PLXNA4: variants seen among roughly 807,000 people sequenced by gnomAD.
The protein encoded by PLXNA4 is plexin A4, also known as plexin-A4.
A neutral mutation model predicts 191.8 loss-of-function variants in PLXNA4; 44 were observed. That is an observed-to-expected ratio of 0.23 (90% CI 0.18 to 0.29). PLXNA4 has a LOEUF of 0.29. Ranked by LOEUF, PLXNA4 falls within the 10% of genes least tolerant of loss-of-function variation. The pLI is 1.00. For missense variants in PLXNA4, 1,800 were observed against 2,488.8 expected (o/e 0.72, Z 5.89); for synonymous variants, 1,082 against 1,009.5 (o/e 1.07, Z -1.36).
intron 14 of PLXNA4, among the ~76,000 whole-genome samples, chr7:132,193,604 A>G (rs1036923653): frequency 4.6e-5 from 7 of 152,224 alleles, no homozygotes; most frequent in Admixed American, 4.6e-4. Flanking sequence ...GTAATTTTCC[A>G]CAAGATCATG....
intron 4 of PLXNA4, among the ~76,000 whole-genome samples, chr7:132,259,436 CAAAAAAAA>C (rs55902635): frequency 2.5e-3 from 84 of 33,856 alleles, no homozygotes; most frequent in African/African-American, 8.4e-3. Context: ...AACTCCAACT[CAAAAAAAA>C]AAAAAAAAAA....
chr7:132,313,131 A>T (rs140215880), intron 3 of PLXNA4, among the ~76,000 whole-genome samples: 4 of 152,228 alleles, frequency 2.6e-5, no homozygotes, highest in Non-Finnish European at 5.9e-5. Flanking sequence ...TGCCTACCTC[A>T]CTATACCTAT....
chr7:132,563,992 C>T (rs1801563499), intron 1 of PLXNA4, among the ~76,000 whole-genome samples: 1 of 9,060 alleles, frequency 1.1e-4, no homozygotes, highest in Admixed American at 1.2e-3. Context: ...TCTCCTCCTC[C>T]TCCTTCTCCT....
At chr7:132,303,065 CG>C (rs1480333329) in intron 3 of PLXNA4, among the ~76,000 whole-genome samples, 1 of 151,496 alleles carries the variant, frequency 6.6e-6, no homozygotes, top group Non-Finnish European at 1.5e-5. Flanking sequence ...TTAGTAGAGA[CG>C]GGGTTTCACC....
chr7:132,147,961 C>T lies in PLXNA4; in HGVS notation c.4803G>A (p.Gln1601=), dbSNP rs1171628013. 1 of 1,614,170 alleles carries T rather than the reference C, an allele frequency of 6.2e-7. No individual in the cohort carries two copies. Among genetic ancestry groups the T allele is most frequent in the Middle Eastern group, 1.6e-4 (1 of 6,062 alleles). The change falls in exon 27 of 32, where the codon CAG becomes CAA. Residue 1601 remains glutamine (Q), a synonymous_variant. Transcript: ENST00000321063. ...TGTTCACTGCGTTATAGGCTGTCAC[C>T]TGCTTGGACACTAATGCCACCACGG... is the stretch of plus-strand genomic sequence containing the variant. ...DGSVVALVSK[Q]VTAYNAVNNS...
At position 132,576,305 on chromosome 7, in the gene PLXNA4, G is replaced by C; in HGVS notation, c.-87+117C>G. The C allele has an allele frequency of 1.3e-6, 1 of 759,318 alleles. No homozygotes were observed. The highest frequency in any genetic ancestry group is 1.6e-6 in the Non-Finnish European group (1 of 623,196). 47.0% of individuals were successfully genotyped at this position (759,318 alleles called of 1,614,324 possible). ...TGTGTGTGCCTGCGTGTGTGCGTGT[G>C]CGTGTGCCGCGGGCTGGCTCCGGGA... On this transcript the variant is annotated intron_variant, in intron 1 of 31. Transcript: ENST00000321063. This position sits in a 1 kb window ranked among gnomAD's most constrained non-coding sequence, Gnocchi z 5.8.
At chr7:132,367,404 C>G (rs1185749141) in intron 3 of PLXNA4, among the ~76,000 whole-genome samples, 5 of 151,994 alleles carry the variant, frequency 3.3e-5, no homozygotes, top group Non-Finnish European at 5.9e-5. Context: ...AGCGTACCAC[C>G]CTCAAAAAGG....
intron 10 of PLXNA4, among the ~76,000 whole-genome samples, chr7:132,207,020 A>T (rs905223752): frequency 5.9e-5 from 9 of 152,192 alleles, no homozygotes; most frequent in African/African-American, 2.2e-4. Context: ...TCTAAAGCAA[A>T]AATGAGACCT....
At chr7:132,332,014 A>G (rs997985038) in intron 3 of PLXNA4, among the ~76,000 whole-genome samples, 1 of 152,212 alleles carries the variant, frequency 6.6e-6, no homozygotes, top group African/African-American at 2.4e-5. Flanking sequence ...TATATCATCT[A>G]TGTAAAATGC....
At chr7:132,617,402 C>T (rs1020532558) in intron 2 of PLXNA4, among the ~76,000 whole-genome samples, 3 of 152,152 alleles carry the variant, frequency 2.0e-5, no homozygotes, top group Non-Finnish European at 4.4e-5. Flanking sequence ...TATCCCAGGG[C>T]CATCCCTGAA....
intron 1 of PLXNA4, among the ~76,000 whole-genome samples, chr7:132,545,894 T>C (rs1800284273): frequency 6.6e-6 from 1 of 152,166 alleles, no homozygotes; most frequent in Admixed American, 6.5e-5. Flanking sequence ...GTATTCCTGC[T>C]GACTGATAGG....
chr7:132,622,822 G>A (rs1803294784), intron 2 of PLXNA4, among the ~76,000 whole-genome samples: 1 of 152,196 alleles, frequency 6.6e-6, no homozygotes, highest in Admixed American at 6.5e-5. Context: ...TCGAGCTCAG[G>A]GCCAGGGGTG....
chr7:132,563,018 C>T (rs1469221078), intron 1 of PLXNA4, among the ~76,000 whole-genome samples: 2 of 109,810 alleles, frequency 1.8e-5, no homozygotes, highest in African/African-American at 3.7e-5. Context: ...TCCTCTTTCT[C>T]TTCCTCTTTC....
chr7:132,539,137 C>T (rs1799966873), intron 1 of PLXNA4, among the ~76,000 whole-genome samples: 1 of 152,222 alleles, frequency 6.6e-6, no homozygotes, highest in South Asian at 2.1e-4. Flanking sequence ...GATCCTGCCT[C>T]TCCATCCCAG....
chr7:132,560,900 C>T (rs184742026), intron 1 of PLXNA4, among the ~76,000 whole-genome samples: 1 of 152,150 alleles, frequency 6.6e-6, no homozygotes, highest in Non-Finnish European at 1.5e-5. Context: ...TTTGCCACCC[C>T]CTTTGATCAG....
rs139011888 is a variant in PLXNA4 at position 132,219,865 on chromosome 7, T to G, written c.2097+3662A>C. On this transcript the variant is annotated intron_variant, in intron 9 of 31. Coordinates refer to ENST00000321063, the MANE Select transcript of PLXNA4 (RefSeq NM_020911.2). The stretch of plus-strand genomic sequence containing the variant: ...CCCATCGTGTTATAATTGGCTGCAG[T>G]ATTCAGTACAGTTACCTGCTGTACA... 2.4e-3 allele frequency among the ~76,000 whole-genome samples: 358 copies of G among 152,300 alleles called. 1 individual carries two copies. The highest frequency in any genetic ancestry group is 8.5e-3 in the African/African-American group (353 of 41,556).
chr7:132,279,486 T>A (rs1384550628), intron 4 of PLXNA4, among the ~76,000 whole-genome samples: 1 of 151,894 alleles, frequency 6.6e-6, no homozygotes. Flanking sequence ...AAACAAAAAA[T>A]AGCCAGGCAT....
intron 4 of PLXNA4, among the ~76,000 whole-genome samples, chr7:132,296,078 C>T (rs947654055): frequency 2.0e-5 from 3 of 152,174 alleles, no homozygotes; most frequent in African/African-American, 7.2e-5. Flanking sequence ...ATCCACAAGC[C>T]CAGTGGAGAC....
intron 2 of PLXNA4, among the ~76,000 whole-genome samples, chr7:132,599,926 A>G (rs1437729813): frequency 6.6e-6 from 1 of 152,150 alleles, no homozygotes; most frequent in East Asian, 1.9e-4. Context: ...TTCTTCATCA[A>G]TTGAGATAAT....
Sources: allele counts gnomAD v4.1 joint callset (sites outside exome capture counted in the v4.1 genomes callset), GRCh38; gene constraint gnomAD v4.1.1; non-coding constraint Gnocchi (gnomAD v3.1); transcripts MANE v1.5; gene names NCBI Gene and HGNC (gene_info 2026-07-23, HGNC 2026-07-21).